XCR1: variants seen among roughly 807,000 people sequenced by gnomAD.
XCR1 encodes the protein chemokine XC receptor 1.
For synonymous variants in XCR1, 187 were observed against 188.5 expected, an observed-to-expected ratio of 0.99 and a Z score of 0.06; for missense variants, 356 against 424.2, an observed-to-expected ratio of 0.84 and a Z score of 1.41.
upstream of XCR1, among the ~76,000 whole-genome samples, chr3:46,031,661 G>A (rs1708397519): frequency 6.6e-6 from 1 of 152,216 alleles, no homozygotes; most frequent in Non-Finnish European, 1.5e-5. Context: ...AGCTGGGGAA[G>A]GCCTGAAGCC....
intron 4 of XCR1, among the ~76,000 whole-genome samples, chr3:46,062,778 G>A (rs1487691704): frequency 6.6e-6 from 1 of 152,240 alleles, no homozygotes; most frequent in African/African-American, 2.4e-5. Flanking sequence ...GCAGAAAGGA[G>A]GTTGGCAGCA....
Position 46,021,584 on chromosome 3 carries a change from T to C in XCR1, c.364A>G (p.Ile122Val), listed in dbSNP as rs767137543. The C allele has an allele frequency of 2.5e-6, 4 of 1,611,838 alleles. 1 individual carries two copies. The highest frequency in any genetic ancestry group is 3.4e-5 in the Admixed American group (2 of 59,632). Reference protein sequence around the residue: ...SLYSSIFFLTIMTIHRYLSVV... With the variant: ...SLYSSIFFLTVMTIHRYLSVV... Reference sequence around the variant, plus strand: ...GACAGGTAGCGGTGGATGGTCATGATGGTCAGGAAGAAGATGCTGCTGTAG... The same window carrying C: ...GACAGGTAGCGGTGGATGGTCATGACGGTCAGGAAGAAGATGCTGCTGTAG... The change falls in exon 2 of 2, where the codon ATC becomes GTC. Residue 122 changes from isoleucine (I) to valine (V), a missense_variant. By Grantham distance (29) the Ile-to-Val change is conservative. Transcript: ENST00000309285. The surrounding 1 kb of genome is among the most constrained non-coding windows in gnomAD (Gnocchi z 4.7).
chr3:46,067,326 A>G (rs2125902137), intron 3 of XCR1, among the ~76,000 whole-genome samples: 1 of 152,186 alleles, frequency 6.6e-6, no homozygotes, highest in East Asian at 1.9e-4. Flanking sequence ...GCTGAATGCC[A>G]GATCTAGGGG....
intron 4 of XCR1, among the ~76,000 whole-genome samples, chr3:46,055,343 GT>G (rs1028583738): frequency 6.6e-6 from 1 of 152,162 alleles, no homozygotes; most frequent in African/African-American, 2.4e-5. Flanking sequence ...AAATCAGAAG[GT>G]TTTTGTTTAA....
chr3:46,022,092 G>A, intron 1 of XCR1, 114 bp from the exon 2 acceptor site: 1 of 938,340 alleles, frequency 1.1e-6, no homozygotes, highest in Non-Finnish European at 1.6e-6. Flanking sequence ...TTGACCCCAG[G>A]AGTTTGAGAC....
chr3:46,032,452 G>T (rs558505985), upstream of XCR1, among the ~76,000 whole-genome samples: 2 of 152,306 alleles, frequency 1.3e-5, no homozygotes, highest in East Asian at 3.9e-4. Flanking sequence ...TGCAATGCTG[G>T]ACCCCACACT....
intron 5 of XCR1, among the ~76,000 whole-genome samples, chr3:46,040,661 T>C: frequency 6.8e-6 from 1 of 147,630 alleles, no homozygotes; most frequent in Non-Finnish European, 1.5e-5. Context: ...AATTTCCTTG[T>C]CAACTGTGTC....
At chr3:46,039,864 C>T (rs1475626929) in intron 5 of XCR1, among the ~76,000 whole-genome samples, 1 of 152,136 alleles carries the variant, frequency 6.6e-6, no homozygotes, top group African/African-American at 2.4e-5. Flanking sequence ...AGGCCAGTGT[C>T]TGGGCCAGTG....
intron 3 of XCR1, among the ~76,000 whole-genome samples, chr3:46,073,463 C>A (rs1698196160): frequency 6.6e-6 from 1 of 152,178 alleles, no homozygotes; most frequent in Non-Finnish European, 1.5e-5. Flanking sequence ...TGGCACACAC[C>A]TGTAATCCCA....
At chr3:46,065,799 G>T (rs1245424241) in intron 4 of XCR1, among the ~76,000 whole-genome samples, 2 of 152,304 alleles carry the variant, frequency 1.3e-5, no homozygotes, top group Non-Finnish European at 2.9e-5. Flanking sequence ...AGCCCTGGGC[G>T]GTGTGCTCTA....
intron 3 of XCR1, among the ~76,000 whole-genome samples, chr3:46,072,659 GA>G (rs1273630946): frequency 1.3e-5 from 2 of 152,282 alleles, no homozygotes; most frequent in South Asian, 2.1e-4. Context: ...TCATGGATCA[GA>G]AGAATTAATA....
At chr3:46,043,717 T>TACAC (rs144432920) in intron 5 of XCR1, among the ~76,000 whole-genome samples, 11,789 of 141,116 alleles carry the variant, frequency 0.084, 622 homozygotes, top group East Asian at 0.28. Flanking sequence ...ACCTCATCTC[T>TACAC]ACACACACAC....
intron 1 of XCR1, among the ~76,000 whole-genome samples, chr3:46,078,109 C>A (rs577640741): frequency 1.3e-5 from 2 of 152,174 alleles, no homozygotes; most frequent in Admixed American, 1.3e-4. Context: ...TTTTAAAAAG[C>A]CTGCTCGCAA....
intron 4 of XCR1, among the ~76,000 whole-genome samples, chr3:46,062,856 G>A (rs987569796): frequency 6.6e-6 from 1 of 152,234 alleles, no homozygotes; most frequent in African/African-American, 2.4e-5. Context: ...TCTAGTGGTG[G>A]AAGATAGGAG....
At chr3:46,081,551 A>G (rs13091868) in intron 1 of XCR1, among the ~76,000 whole-genome samples, 13,716 of 152,238 alleles carry the variant, frequency 0.09, 990 homozygotes, top group South Asian at 0.34. Context: ...CATGGCCTGT[A>G]ACTGGAGATT....
At chr3:46,082,704 G>A (rs1168109662) in intron 1 of XCR1, among the ~76,000 whole-genome samples, 2 of 151,804 alleles carry the variant, frequency 1.3e-5, no homozygotes, top group Non-Finnish European at 2.9e-5. Flanking sequence ...TGACCACACT[G>A]GTCTCAAACT....
chr3:46,052,720 T>C (rs184721826), intron 5 of XCR1, among the ~76,000 whole-genome samples: 154 of 152,340 alleles, frequency 1.0e-3, no homozygotes, highest in African/African-American at 3.6e-3. Context: ...ACCTCACCGG[T>C]GCCAGTGCGC....
At chr3:46,030,014 T>C (rs2373148), upstream of XCR1, among the ~76,000 whole-genome samples, 121,491 of 151,778 alleles carry the variant, frequency 0.8, 48,993 homozygotes, top group East Asian at 0.99. Flanking sequence ...ATCTTGTACC[T>C]TGAGCTTATT....
chr3:46,063,729 C>T (rs576710584), intron 4 of XCR1, among the ~76,000 whole-genome samples: 1 of 152,304 alleles, frequency 6.6e-6, no homozygotes, highest in South Asian at 2.1e-4. Flanking sequence ...TGAAAACTCT[C>T]TCACGTCCCC....
Sources: gnomAD v4.1 joint callset for allele counts (sites outside exome capture counted in the v4.1 genomes callset) on GRCh38, gnomAD v4.1.1 for gene constraint, Gnocchi (gnomAD v3.1) non-coding constraint, MANE v1.5 for transcripts, NCBI Gene and HGNC (gene_info 2026-07-23, HGNC 2026-07-21) for gene names.